The following RERE variants were observed in gnomAD, a reference collection of about 807,000 sequenced individuals.
RERE encodes the protein arginine-glutamic acid dipeptide repeats protein.
RERE carries 40 observed loss-of-function variants against 146.1 expected under a neutral mutation model. That is an observed-to-expected ratio of 0.27 (90% CI 0.21 to 0.36). The LOEUF (loss-of-function observed/expected upper bound fraction) is 0.36, where lower values mean the gene tolerates loss of function less well. RERE is among the 10% of genes least tolerant of loss of function. The pLI is 1.00. For missense variants in RERE, 1,933 were observed against 2,138.7 expected, an observed-to-expected ratio of 0.90 and a Z score of 1.90; for synonymous variants, 1,003 against 866.0, an observed-to-expected ratio of 1.16 and a Z score of -2.78.
chr1:8,591,053 T>C (rs1646486681), intron 4 of RERE, among the ~76,000 whole-genome samples: 1 of 152,200 alleles, frequency 6.6e-6, no homozygotes, highest in Non-Finnish European at 1.5e-5. Context: ...TTCCCAAATG[T>C]GTGTTCACTA....
intron 2 of RERE, among the ~76,000 whole-genome samples, chr1:8,628,460 C>T (rs572844268): frequency 1.3e-5 from 2 of 152,194 alleles, no homozygotes; most frequent in Non-Finnish European, 1.5e-5. Flanking sequence ...CAAAGCATGA[C>T]GAACTATTGT....
chr1:8,607,526 ATATATTTC>A (rs1646731509), intron 4 of RERE, among the ~76,000 whole-genome samples: 1 of 89,364 alleles, frequency 1.1e-5, no homozygotes, highest in Admixed American at 1.2e-4. Context: ...TTGTTTTTAT[ATATATTTC>A]TTTTTTTTTT....
At chr1:8,460,725 A>G (rs1466127371) in intron 11 of RERE, among the ~76,000 whole-genome samples, 2 of 152,254 alleles carry the variant, frequency 1.3e-5, no homozygotes, top group Non-Finnish European at 2.9e-5. Context: ...ATGGTAAGCA[A>G]CAGAACCTTC....
intron 11 of RERE, among the ~76,000 whole-genome samples, chr1:8,436,318 CAAAT>C (rs1644169299): frequency 6.6e-6 from 1 of 152,234 alleles, no homozygotes; most frequent in East Asian, 1.9e-4. Flanking sequence ...GACTCAATCT[CAAAT>C]AAATAAATAA....
intron 1 of RERE, among the ~76,000 whole-genome samples, chr1:8,782,302 A>C (rs1641180323): frequency 6.6e-6 from 1 of 152,032 alleles, no homozygotes; most frequent in African/African-American, 2.4e-5. Context: ...ATGCCATATA[A>C]TATAGTCTAT....
At chr1:8,699,352 C>A (rs956096603) in intron 1 of RERE, among the ~76,000 whole-genome samples, 2 of 152,200 alleles carry the variant, frequency 1.3e-5, no homozygotes, top group Admixed American at 6.5e-5. Context: ...TTTACCACTA[C>A]GCTGTACTGA....
intron 11 of RERE, among the ~76,000 whole-genome samples, chr1:8,450,631 T>A (rs1238327708): frequency 1.3e-5 from 2 of 151,710 alleles, no homozygotes; most frequent in African/African-American, 2.4e-5. Context: ...TGCAGCTTTC[T>A]CACTTTCAGA....
At chr1:8,588,100 C>T (rs1270819551) in intron 4 of RERE, among the ~76,000 whole-genome samples, 1 of 152,138 alleles carries the variant, frequency 6.6e-6, no homozygotes, top group Non-Finnish European at 1.5e-5. Flanking sequence ...AAGCAGATGT[C>T]TCTCCCTTCA....
intron 4 of RERE, among the ~76,000 whole-genome samples, chr1:8,583,985 CAA>C (rs1646398103): frequency 6.6e-6 from 1 of 151,728 alleles, no homozygotes; most frequent in Admixed American, 6.6e-5. Flanking sequence ...TCATAAAAAA[CAA>C]AAAACTATAA....
intron 12 of RERE, among the ~76,000 whole-genome samples, chr1:8,391,324 C>T (rs757853018): frequency 6.6e-6 from 1 of 152,190 alleles, no homozygotes. Context: ...GTATGTAAAG[C>T]ACTGAGAACA....
chr1:8,523,884 C>A (rs1645538296), intron 7 of RERE, among the ~76,000 whole-genome samples: 1 of 152,228 alleles, frequency 6.6e-6, no homozygotes. Context: ...GCTTCCTGTT[C>A]ACATTTTTAT....
At chr1:8,424,134 C>T (rs985612029) in intron 11 of RERE, 8 of 152,258 alleles carry the variant, frequency 5.3e-5, no homozygotes, top group African/African-American at 1.7e-4. Context: ...CCCTCCGCCC[C>T]AACCCCGCCT....
chr1:8,360,223 T>C lies in RERE; in HGVS notation c.3284A>G (p.Glu1095Gly). Reference protein sequence around the residue: ...SCPLPTVQIKEEALDDAEEPE... With the variant: ...SCPLPTVQIKGEALDDAEEPE... ...CTCCTCAGCGTCGTCCAGAGCCTCC[T>C]CCTTGATCTGGACGGTGGGGAGTGG... is the stretch of plus-strand genomic sequence containing the variant. Residue 1095 changes from glutamate to glycine, a missense_variant, in exon 18 of 23, where the codon GAG becomes GGG. Glu to Gly is a moderately conservative substitution (Grantham distance 98). This residue lies in a region of RERE where 1,255 missense variants were observed against 1,153.8 expected (regional missense o/e 1.09). Coordinates refer to ENST00000400908, the MANE Select transcript of RERE (RefSeq NM_001042681.2). The C allele has an allele frequency of 6.3e-7, 1 of 1,588,736 alleles. No individual in the cohort carries two copies. Among genetic ancestry groups the C allele is most frequent in the Non-Finnish European group, 8.6e-7 (1 of 1,168,708 alleles).
Position 8,358,672 on chromosome 1 carries a change from T to C in RERE, c.3863A>G (p.His1288Arg). The C allele has an allele frequency of 1.9e-6, 3 of 1,583,806 alleles. No individual in the cohort carries two copies. The highest frequency in any genetic ancestry group is 2.6e-6 in the Non-Finnish European group (3 of 1,163,158). The change falls in exon 20 of 23, where the codon CAC (histidine) becomes CGC (arginine). Residue 1288 changes from histidine (H) to arginine (R), a missense_variant. His to Arg is a conservative substitution (Grantham distance 29). Coordinates refer to ENST00000400908, the MANE Select transcript of RERE (RefSeq NM_001042681.2). ...LNPTDPLLAY[H>R]MPGLYNVDPT... ...GTCGACGTTGTAGAGGCCAGGCATG[T>C]GGTAGGCCAGCAGGGGGTCCGTGGG...
At position 8,512,014 on chromosome 1, in the gene RERE, C is replaced by CTTTTTTTTTTTTTTTTTTTTTTT. The variant is rs763835328; in HGVS notation, c.831-3362_831-3340dup. The stretch of plus-strand genomic sequence containing the variant: ...GTATCAACAGCTTGTAGGAAACACT[C>CTTTTTTTTTTTTTTTTTTTTTTT]TTTTTTTTTTTTTTTTTTTTTTTTT... On this transcript the variant is annotated intron_variant, in intron 7 of 22. Transcript: ENST00000400908. 1.8e-4 allele frequency: 7 copies of CTTTTTTTTTTTTTTTTTTTTTTT among 38,922 alleles called. 1 individual carries two copies. Among genetic ancestry groups the CTTTTTTTTTTTTTTTTTTTTTTT allele is most frequent in the Non-Finnish European group, 2.4e-4 (5 of 20,740 alleles). 2.4% of individuals were successfully genotyped at this position (38,922 alleles called of 1,614,324 possible). A position where few individuals can be genotyped will look rare whatever the true frequency, so the allele number is the denominator to read the frequency against.
At chr1:8,472,227 T>G (rs928117148) in intron 10 of RERE, among the ~76,000 whole-genome samples, 4 of 152,252 alleles carry the variant, frequency 2.6e-5, no homozygotes, top group African/African-American at 9.6e-5. Flanking sequence ...CTGGCTATCT[T>G]AAATCTCTAA....
At chr1:8,387,176 A>C (rs1642706186) in intron 12 of RERE, among the ~76,000 whole-genome samples, 1 of 152,216 alleles carries the variant, frequency 6.6e-6, no homozygotes, top group African/African-American at 2.4e-5. Flanking sequence ...TCACACTCTT[A>C]TGGAAATTTC....
chr1:8,741,384 G>A (rs550307965), intron 1 of RERE, among the ~76,000 whole-genome samples: 1 of 152,342 alleles, frequency 6.6e-6, no homozygotes, highest in South Asian at 2.1e-4. Context: ...GAAGGGGGGT[G>A]ACATGGTTAG....
At chr1:8,599,665 C>T (rs1221658249) in intron 4 of RERE, among the ~76,000 whole-genome samples, 1 of 152,150 alleles carries the variant, frequency 6.6e-6, no homozygotes, top group African/African-American at 2.4e-5. Flanking sequence ...AACAAATCAC[C>T]AGCTGAGGCA....
Sources: allele counts gnomAD v4.1 joint callset (sites outside exome capture counted in the v4.1 genomes callset), GRCh38; gene constraint gnomAD v4.1.1; regional missense constraint gnomAD v4.1.1; transcripts MANE v1.5; gene names NCBI Gene and HGNC (gene_info 2026-07-23, HGNC 2026-07-21).